SELENOI: variants seen among roughly 807,000 people sequenced by gnomAD.
SELENOI encodes the protein selenoprotein I.
SELENOI carries 24 observed loss-of-function variants against 50.7 expected under a neutral mutation model. The ratio of observed to expected loss-of-function variants is 0.47; its 90% confidence interval spans 0.34 to 0.67. The LOEUF is 0.67. SELENOI is among the 30% of genes least tolerant of loss of function. The probability of loss-of-function intolerance (pLI) is 0.01; values close to 1 mark genes in which losing one functional copy is unlikely to be tolerated. For missense variants in SELENOI, 352 were observed against 461.4 expected (o/e 0.76, Z 2.17); for synonymous variants, 155 against 170.2 (o/e 0.91, Z 0.70).
chr2:26,363,955 T>C lies in SELENOI; in HGVS notation c.58-347T>C, dbSNP rs569828106. ...CAGGGTTTCACCACGTTGGCCAGGC[T>C]GATCTTGAACTCCTGACCTCAAGTA... On this transcript the variant is annotated intron_variant, in intron 1 of 9. Transcript: ENST00000260585. Among the ~76,000 whole-genome samples, 281 of 152,284 alleles carry C rather than the reference T, an allele frequency of 1.8e-3. 1 individual carries two copies. Among genetic ancestry groups the C allele is most frequent in the African/African-American group, 5.9e-3 (245 of 41,578 alleles).
intron 4 of SELENOI, among the ~76,000 whole-genome samples, chr2:26,372,960 C>G (rs1423445981): frequency 3.9e-5 from 6 of 152,220 alleles, no homozygotes; most frequent in Non-Finnish European, 8.8e-5. Context: ...ATGATCATAG[C>G]TCACTGCAGG....
chr2:26,381,685 A>G (rs1305225680), intron 6 of SELENOI, among the ~76,000 whole-genome samples: 1 of 152,158 alleles, frequency 6.6e-6, no homozygotes, highest in Non-Finnish European at 1.5e-5. Flanking sequence ...ATTTCTGAGA[A>G]CACTGAGGAC....
At chr2:26,361,682 C>G (rs1677181949) in intron 1 of SELENOI, among the ~76,000 whole-genome samples, 1 of 150,220 alleles carries the variant, frequency 6.7e-6, no homozygotes, top group Non-Finnish European at 1.5e-5. Flanking sequence ...GAGATGGAGT[C>G]TCACTCTGTA....
At chr2:26,366,294 G>T (rs1372112855) in intron 3 of SELENOI, among the ~76,000 whole-genome samples, 1 of 151,948 alleles carries the variant, frequency 6.6e-6, no homozygotes, top group Non-Finnish European at 1.5e-5. Flanking sequence ...AGCATTGTTT[G>T]GGTATTGTGG....
intron 1 of SELENOI, among the ~76,000 whole-genome samples, chr2:26,361,237 G>A (rs1448096969): frequency 6.6e-6 from 1 of 152,160 alleles, no homozygotes; most frequent in Non-Finnish European, 1.5e-5. Flanking sequence ...GAGGATGTGT[G>A]TAGGTTATAG....
In SELENOI at chr2:26,389,892, C is replaced by T. The variant is rs1677927263; in HGVS notation, c.*789C>T. On this transcript the variant is annotated 3_prime_UTR_variant, in exon 10 of 10. Transcript: ENST00000260585. The stretch of plus-strand genomic sequence containing the variant: ...ATTGTAGGAATGCATGTGACAGTCC[C>T]AGTCCTATGGTAATGACTTAGGAGG... 6.6e-6 allele frequency: 1 copy of T among 151,800 alleles called. No individual in the cohort carries two copies. The highest frequency in any genetic ancestry group is 2.1e-4 in the South Asian group (1 of 4,786). The allele number at this position is 151,800 out of a possible 1,614,324, so 9.4% of individuals were successfully genotyped here. A position where few individuals can be genotyped will look rare whatever the true frequency, so the allele number is the denominator to read the frequency against.
At chr2:26,376,103 A>C (rs1220965605) in intron 6 of SELENOI, among the ~76,000 whole-genome samples, 1 of 151,760 alleles carries the variant, frequency 6.6e-6, no homozygotes, top group Non-Finnish European at 1.5e-5. Flanking sequence ...AAAAAAAAAA[A>C]AAAAAAGAAT....
At chr2:26,357,476 C>T (rs922140139) in intron 1 of SELENOI, among the ~76,000 whole-genome samples, 1 of 152,190 alleles carries the variant, frequency 6.6e-6, no homozygotes, top group African/African-American at 2.4e-5. Flanking sequence ...CTTTAAACAA[C>T]AGAATTTTAA....
chr2:26,370,315 C>A (rs372412522), intron 4 of SELENOI, among the ~76,000 whole-genome samples: 1 of 151,700 alleles, frequency 6.6e-6, no homozygotes, highest in African/African-American at 2.4e-5. Flanking sequence ...ACCTTTCCCC[C>A]CTTTCTATTC....
chr2:26,368,123 C>A (rs906042930), intron 4 of SELENOI, among the ~76,000 whole-genome samples: 3 of 152,174 alleles, frequency 2.0e-5, no homozygotes, highest in Admixed American at 2.0e-4. Context: ...GACTTGTTCT[C>A]ATAAAACCAG....
chr2:26,376,068 G>A (rs1350241048), intron 6 of SELENOI, among the ~76,000 whole-genome samples: 1 of 150,400 alleles, frequency 6.6e-6, no homozygotes, highest in Non-Finnish European at 1.5e-5. Flanking sequence ...CTCCAGCCTG[G>A]GTGACAGAGC....
At chr2:26,365,007 C>T in intron 3 of SELENOI, 67 bp downstream of exon 3, 1 of 1,189,702 alleles carries the variant, frequency 8.4e-7, no homozygotes, top group Non-Finnish European at 1.2e-6. Flanking sequence ...TGCTTATTTT[C>T]TGGTTTTGTT....
intron 6 of SELENOI, among the ~76,000 whole-genome samples, chr2:26,381,198 CTTTTTTTT>C (rs57102834): frequency 0.059 from 1,795 of 30,204 alleles, 29 homozygotes; most frequent in African/African-American, 0.16. Flanking sequence ...TCAGTTTGGT[CTTTTTTTT>C]TTTTTTTTTT....
intron 1 of SELENOI, among the ~76,000 whole-genome samples, chr2:26,359,266 A>AAAAG (rs1306540899): frequency 2.5e-4 from 38 of 152,286 alleles, no homozygotes; most frequent in African/African-American, 8.9e-4. Flanking sequence ...AACCATGGCA[A>AAAAG]AAAGGAGTAT....
rs780967973 is a variant in SELENOI, at chr2:26,395,060, G to T, written c.*5957G>T. 6.6e-6 allele frequency: 1 copy of T among 152,196 alleles called. No individual in the cohort carries two copies. The highest frequency in any genetic ancestry group is 1.5e-5 in the Non-Finnish European group (1 of 68,036). The allele number at this position is 152,196 out of a possible 1,614,324, so 9.4% of individuals were successfully genotyped here. A position where few individuals can be genotyped will look rare whatever the true frequency, so the allele number is the denominator to read the frequency against. ...AGTTTAATTGAACATATTAGTCATTGGTCTGTCTGGGACGTGCAGTGTTCA... is the reference window on the plus strand; with the variant it reads ...AGTTTAATTGAACATATTAGTCATTTGTCTGTCTGGGACGTGCAGTGTTCA... On this transcript the variant is annotated 3_prime_UTR_variant, in exon 10 of 10. Coordinates refer to ENST00000260585, the MANE Select transcript of SELENOI (RefSeq NM_033505.4).
chr2:26,388,458 A>G (rs1263182434), intron 9 of SELENOI, among the ~76,000 whole-genome samples: 1 of 152,210 alleles, frequency 6.6e-6, no homozygotes, highest in Non-Finnish European at 1.5e-5. Flanking sequence ...GCCAGAAGTT[A>G]AAACTTGCTA....
chr2:26,376,238 C>G (rs1218393160), intron 6 of SELENOI, among the ~76,000 whole-genome samples: 1 of 152,038 alleles, frequency 6.6e-6, no homozygotes, highest in East Asian at 1.9e-4. Flanking sequence ...GTGGTTTGGG[C>G]TTTTTTCTGT....
intron 4 of SELENOI, among the ~76,000 whole-genome samples, chr2:26,368,840 T>C (rs1381756252): frequency 6.6e-6 from 1 of 152,194 alleles, no homozygotes; most frequent in African/African-American, 2.4e-5. Flanking sequence ...GAAAAGACTT[T>C]CTGGGAATAT....
intron 4 of SELENOI, among the ~76,000 whole-genome samples, chr2:26,371,270 G>A (rs60147061): frequency 0.38 from 56,475 of 148,232 alleles, 11,666 homozygotes; most frequent in Non-Finnish European, 0.49. Flanking sequence ...CGGGGTGGCC[G>A]GGCAGAGACG....
Sources: gnomAD v4.1 joint callset for allele counts (sites outside exome capture counted in the v4.1 genomes callset) on GRCh38, gnomAD v4.1.1 for gene constraint, MANE v1.5 for transcripts, NCBI Gene and HGNC (gene_info 2026-07-23, HGNC 2026-07-21) for gene names.